Variants in RPS6KA2 observed in about 807,000 individuals in gnomAD.
RPS6KA2 encodes ribosomal protein S6 kinase A2, also known as ribosomal protein S6 kinase alpha-2.
A neutral mutation model predicts 91.8 loss-of-function variants in RPS6KA2; 42 were observed. The observed-to-expected ratio is 0.46, with a 90% CI of 0.36 to 0.59. The LOEUF is 0.59. Ranked by LOEUF, RPS6KA2 falls within the 20% of genes least tolerant of loss-of-function variation. The pLI is 0.00. For synonymous variants in RPS6KA2, 414 were observed against 393.6 expected, an observed-to-expected ratio of 1.05 and a Z score of -0.61; for missense variants, 798 against 978.5, an observed-to-expected ratio of 0.82 and a Z score of 2.46.
At chr6:166,786,729 G>T (rs1012126422) in intron 2 of RPS6KA2, among the ~76,000 whole-genome samples, 1 of 152,124 alleles carries the variant, frequency 6.6e-6, no homozygotes, top group African/African-American at 2.4e-5. Context: ...CAAAAGTGAA[G>T]AAAACTGAAT....
intron 2 of RPS6KA2, among the ~76,000 whole-genome samples, chr6:166,797,044 C>G (rs1448671598): frequency 2.0e-5 from 3 of 152,224 alleles, no homozygotes; most frequent in Non-Finnish European, 2.9e-5. Context: ...CTCTCACGCC[C>G]GAGCAAAGCA....
intron 2 of RPS6KA2, among the ~76,000 whole-genome samples, chr6:166,711,069 C>A (rs958709729): frequency 6.6e-6 from 1 of 151,758 alleles, no homozygotes; most frequent in South Asian, 2.1e-4. Flanking sequence ...CCCCAACATC[C>A]CCCCAGGGGT....
chr6:166,473,823 C>G (rs1436583518), intron 10 of RPS6KA2, among the ~76,000 whole-genome samples: 1 of 152,170 alleles, frequency 6.6e-6, no homozygotes, highest in East Asian at 1.9e-4. Context: ...TCCTAACCAG[C>G]CCACCATGTC....
intron 2 of RPS6KA2, among the ~76,000 whole-genome samples, chr6:166,835,543 T>C (rs1301021717): frequency 6.6e-6 from 1 of 152,258 alleles, no homozygotes; most frequent in African/African-American, 2.4e-5. Context: ...TTTCAATTTC[T>C]CATTTTTGTT....
chr6:166,637,896 C>T (rs1446871693), intron 2 of RPS6KA2, among the ~76,000 whole-genome samples: 1 of 152,244 alleles, frequency 6.6e-6, no homozygotes, highest in African/African-American at 2.4e-5. Flanking sequence ...CAGGGCGCTG[C>T]ACTTGGCCTG....
At chr6:166,673,651 A>C (rs1265181377) in intron 2 of RPS6KA2, among the ~76,000 whole-genome samples, 1 of 152,286 alleles carries the variant, frequency 6.6e-6, no homozygotes, top group African/African-American at 2.4e-5. Flanking sequence ...CGCAGCCTGC[A>C]GGCGGCACGC....
intron 19 of RPS6KA2, among the ~76,000 whole-genome samples, chr6:166,414,410 G>A (rs571197917): frequency 1.3e-5 from 2 of 152,304 alleles, no homozygotes; most frequent in South Asian, 4.1e-4. Flanking sequence ...TATGTCCAGT[G>A]GGTTCATGTG....
chr6:166,812,599 T>C (rs1779667765), intron 2 of RPS6KA2, among the ~76,000 whole-genome samples: 1 of 152,166 alleles, frequency 6.6e-6, no homozygotes, highest in South Asian at 2.1e-4. Context: ...GTTGGGCGCG[T>C]GGCCTCCCAT....
At chr6:166,558,389 G>C (rs569416838) in intron 1 of RPS6KA2, among the ~76,000 whole-genome samples, 101 of 151,600 alleles carry the variant, frequency 6.7e-4, no homozygotes, top group Admixed American at 3.8e-3. Context: ...AGGCCTACCC[G>C]TATCTAGGGG....
intron 2 of RPS6KA2, among the ~76,000 whole-genome samples, chr6:166,747,987 C>A (rs888542180): frequency 6.6e-6 from 1 of 152,140 alleles, no homozygotes; most frequent in Non-Finnish European, 1.5e-5. Flanking sequence ...CCCTGAGTTG[C>A]CCATGCCAGT....
At chr6:166,750,944 G>A (rs1232134577) in intron 2 of RPS6KA2, among the ~76,000 whole-genome samples, 4 of 152,200 alleles carry the variant, frequency 2.6e-5, no homozygotes, top group African/African-American at 9.7e-5. Context: ...AACTCTCTGA[G>A]GGGACAAATT....
intron 10 of RPS6KA2, among the ~76,000 whole-genome samples, chr6:166,485,698 C>A (rs1439843769): frequency 6.6e-6 from 1 of 152,102 alleles, no homozygotes; most frequent in East Asian, 1.9e-4. Flanking sequence ...GCCTCCCCCA[C>A]CTCCCCAGAC....
chr6:166,593,502 C>G (rs151066675), intron 1 of RPS6KA2, among the ~76,000 whole-genome samples: 15 of 152,132 alleles, frequency 9.9e-5, no homozygotes, highest in Middle Eastern at 3.2e-3. Flanking sequence ...TACAGGCAAC[C>G]AGGTCCACAA....
chr6:166,479,886 T>A (rs1236159942), intron 10 of RPS6KA2, among the ~76,000 whole-genome samples: 2 of 152,204 alleles, frequency 1.3e-5, no homozygotes, highest in Non-Finnish European at 2.9e-5. Flanking sequence ...GAGCTATTTT[T>A]ACTTAACACT....
chr6:166,504,696 G>T, intron 5 of RPS6KA2, 84 bp from the exon 6 acceptor site: 1 of 950,784 alleles, frequency 1.1e-6, no homozygotes, highest in Non-Finnish European at 1.6e-6. Context: ...CTGCCAGAGA[G>T]ACTGAGAGTC....
chr6:166,666,360 T>G lies in RPS6KA2; in HGVS notation c.124-127576A>C, dbSNP rs2128559401. Among the ~76,000 whole-genome samples the G allele has an allele frequency of 6.6e-6, 1 of 152,362 alleles. No homozygotes were observed. Among genetic ancestry groups the G allele is most frequent in the East Asian group, 1.9e-4 (1 of 5,188 alleles). ...AATAATGTTCCACTAGCTAGTCAGG[T>G]ACTCAGATCCTGACATTTGTCAGTT... On this transcript the variant is annotated intron_variant, in intron 2 of 21. Transcript: ENST00000503859. This position sits in a 1 kb window ranked among gnomAD's most constrained non-coding sequence, Gnocchi z 4.0.
At chr6:166,564,895 G>A (rs922716474) in intron 1 of RPS6KA2, among the ~76,000 whole-genome samples, 6 of 152,160 alleles carry the variant, frequency 3.9e-5, no homozygotes, top group Non-Finnish European at 7.3e-5. Flanking sequence ...TTCAGGGAGC[G>A]GGCAGGAGCT....
At chr6:166,531,680 G>C (rs1376663422) in intron 2 of RPS6KA2, among the ~76,000 whole-genome samples, 1 of 152,104 alleles carries the variant, frequency 6.6e-6, no homozygotes, top group Non-Finnish European at 1.5e-5. Context: ...TCCTTACTGA[G>C]AGACCACGCT....
At chr6:166,741,919 G>A (rs1263739994) in intron 2 of RPS6KA2, among the ~76,000 whole-genome samples, 1 of 152,198 alleles carries the variant, frequency 6.6e-6, no homozygotes, top group African/African-American at 2.4e-5. Context: ...CTGAGGTCGG[G>A]AGTTCAAGAC....
Sources: allele counts gnomAD v4.1 joint callset (sites outside exome capture counted in the v4.1 genomes callset), GRCh38; gene constraint gnomAD v4.1.1; non-coding constraint Gnocchi (gnomAD v3.1); transcripts MANE v1.5; gene names NCBI Gene and HGNC (gene_info 2026-07-23, HGNC 2026-07-21).